SCP2: variants seen among roughly 807,000 people sequenced by gnomAD.
The protein encoded by SCP2 is SCP-2/3-oxoacyl-CoA thiolase.
In SCP2, 48 loss-of-function variants were observed where a neutral mutation model predicts 71.4. The ratio of observed to expected loss-of-function variants is 0.67; its 90% CI spans 0.53 to 0.86. SCP2 has a LOEUF of 0.86. SCP2 is among the 40% of genes least tolerant of loss of function. The pLI is 0.00. For synonymous variants in SCP2, 220 were observed against 218.1 expected (o/e 1.01, Z -0.08); for missense variants, 560 against 655.6 (o/e 0.85, Z 1.59).
At chr1:52,952,228 A>G (rs1655380713) in intron 4 of SCP2, among the ~76,000 whole-genome samples, 1 of 152,130 alleles carries the variant, frequency 6.6e-6, no homozygotes, top group Non-Finnish European at 1.5e-5. Context: ...TGTACAATAC[A>G]TGGCCTTTTG....
intron 13 of SCP2, among the ~76,000 whole-genome samples, chr1:53,029,800 C>T (rs1362392365): frequency 1.3e-5 from 2 of 152,168 alleles, no homozygotes; most frequent in African/African-American, 4.8e-5. Flanking sequence ...CTGCAACCAT[C>T]TTGGGATGCA....
intron 10 of SCP2, among the ~76,000 whole-genome samples, chr1:52,981,525 C>T (rs190457737): frequency 8.7e-5 from 13 of 149,970 alleles, no homozygotes; most frequent in Admixed American, 8.6e-4. Flanking sequence ...CAACTTCTGC[C>T]TCCTGGGTTC....
intron 14 of SCP2, among the ~76,000 whole-genome samples, chr1:53,045,333 T>C (rs1304507498): frequency 6.6e-6 from 1 of 152,224 alleles, no homozygotes; most frequent in Non-Finnish European, 1.5e-5. Context: ...TTTACTCTTT[T>C]TTAGGTCTGG....
intron 6 of SCP2, among the ~76,000 whole-genome samples, chr1:52,966,319 A>G (rs1656951013): frequency 6.6e-6 from 1 of 151,548 alleles, no homozygotes; most frequent in Non-Finnish European, 1.5e-5. Context: ...AGGAATGGGT[A>G]TTGAATTTTG....
chr1:52,937,391 AAAATAT>A (rs1313554260), intron 1 of SCP2, among the ~76,000 whole-genome samples: 1 of 152,176 alleles, frequency 6.6e-6, no homozygotes, highest in African/African-American at 2.4e-5. Flanking sequence ...ATGAAAAAAT[AAAATAT>A]AAATAGAACA....
At chr1:52,952,297 G>A (rs1438614544) in intron 4 of SCP2, among the ~76,000 whole-genome samples, 1 of 151,956 alleles carries the variant, frequency 6.6e-6, no homozygotes, top group Non-Finnish European at 1.5e-5. Context: ...GCATATATCA[G>A]TACTTAATTC....
intron 14 of SCP2, among the ~76,000 whole-genome samples, chr1:53,046,730 T>C (rs1281042872): frequency 6.6e-6 from 1 of 152,230 alleles, no homozygotes; most frequent in African/African-American, 2.4e-5. Flanking sequence ...TATCTATGAC[T>C]GCTTTTGCAC....
intron 5 of SCP2, among the ~76,000 whole-genome samples, chr1:52,960,258 C>T (rs1656218633): frequency 6.6e-6 from 1 of 151,974 alleles, no homozygotes; most frequent in South Asian, 2.1e-4. Flanking sequence ...TTTTCTATTT[C>T]AATCTGCTCT....
intron 11 of SCP2, among the ~76,000 whole-genome samples, chr1:52,998,254 G>T (rs2150204762): frequency 1.3e-5 from 2 of 152,246 alleles, no homozygotes; most frequent in South Asian, 4.2e-4. Flanking sequence ...ATCTTGGGTT[G>T]ATAACCTGGA....
At chr1:53,013,648 T>TTG (rs1471980581) in intron 11 of SCP2, among the ~76,000 whole-genome samples, 1 of 151,990 alleles carries the variant, frequency 6.6e-6, no homozygotes, top group African/African-American at 2.4e-5. Flanking sequence ...TCTTGCTATG[T>TTG]TGTCCACACT....
At chr1:53,026,787 G>A (rs900216630) in intron 12 of SCP2, among the ~76,000 whole-genome samples, 10 of 152,056 alleles carry the variant, frequency 6.6e-5, no homozygotes, top group Admixed American at 2.0e-4. Context: ...CAGCCTGGGC[G>A]ACAGAGTCCC....
At chr1:52,976,566 A>G (rs1001043464) in intron 7 of SCP2, 117 bp from the exon 8 acceptor site, 19 of 700,882 alleles carry the variant, frequency 2.7e-5, no homozygotes, top group East Asian at 2.6e-5. Context: ...GGCTATTCAT[A>G]AAAATCTGTC....
chr1:52,944,894 G>A (rs147821352), intron 2 of SCP2, among the ~76,000 whole-genome samples: 6,408 of 151,736 alleles, frequency 0.042, 393 homozygotes, highest in African/African-American at 0.13. Flanking sequence ...TGATCCACCC[G>A]CCTCGGCCTC....
chr1:52,960,042 C>A (rs1162564877), intron 5 of SCP2, among the ~76,000 whole-genome samples: 2 of 152,046 alleles, frequency 1.3e-5, no homozygotes, highest in African/African-American at 4.8e-5. Flanking sequence ...CAGGCGCCTG[C>A]CACCACGCCC....
intron 11 of SCP2, among the ~76,000 whole-genome samples, chr1:53,006,398 A>G (rs939992991): frequency 2.0e-5 from 3 of 152,236 alleles, no homozygotes; most frequent in Non-Finnish European, 2.9e-5. Context: ...GGTTACCCAC[A>G]AAGGGAAGCC....
chr1:52,973,802 A>G (rs1657707693), intron 6 of SCP2, among the ~76,000 whole-genome samples: 1 of 152,150 alleles, frequency 6.6e-6, no homozygotes, highest in Non-Finnish European at 1.5e-5. Context: ...GAGTCTCACC[A>G]TGTTGACTAG....
At chr1:52,945,744 A>T (rs1264332345) in intron 2 of SCP2, among the ~76,000 whole-genome samples, 2 of 145,726 alleles carry the variant, frequency 1.4e-5, no homozygotes, top group African/African-American at 5.2e-5. Flanking sequence ...AGTTGTGCAT[A>T]ATATATATAT....
At chr1:53,030,551 T>C (rs1257863827) in intron 13 of SCP2, among the ~76,000 whole-genome samples, 1 of 152,076 alleles carries the variant, frequency 6.6e-6, no homozygotes, top group African/African-American at 2.4e-5. Context: ...TGTTGGAGAC[T>C]AACTATTTTT....
intron 14 of SCP2, among the ~76,000 whole-genome samples, chr1:53,045,109 G>A (rs138179943): frequency 3.3e-5 from 5 of 152,056 alleles, no homozygotes; most frequent in African/African-American, 4.8e-5. Flanking sequence ...AGTAAAGGGC[G>A]TAATTCCAGA....
Sources: allele counts gnomAD v4.1 joint callset (sites outside exome capture counted in the v4.1 genomes callset), GRCh38; gene constraint gnomAD v4.1.1; transcripts MANE v1.5; gene names NCBI Gene and HGNC (gene_info 2026-07-23, HGNC 2026-07-21).